Variants in HOOK3 observed in about 807,000 individuals in gnomAD.
HOOK3 encodes protein Hook homolog 3.
Under a neutral mutation model 116.3 loss-of-function variants are expected in HOOK3, and 24 were observed. That is an observed-to-expected ratio of 0.21 (90% CI 0.15 to 0.29). HOOK3 has a LOEUF of 0.29. HOOK3 is among the 10% of genes least tolerant of loss of function. HOOK3 has a pLI of 1.00. For synonymous variants in HOOK3, 275 were observed against 283.0 expected (o/e 0.97, Z 0.28); for missense variants, 632 against 830.2 (o/e 0.76, Z 2.93).
intron 2 of HOOK3, among the ~76,000 whole-genome samples, chr8:42,922,440 A>G (rs1807675182): frequency 6.6e-6 from 1 of 152,054 alleles, no homozygotes; most frequent in South Asian, 2.1e-4. Flanking sequence ...AGCACTAGCT[A>G]CTCTGGAGGC....
At chr8:42,955,153 C>T (rs996438494) in intron 6 of HOOK3, among the ~76,000 whole-genome samples, 11 of 152,204 alleles carry the variant, frequency 7.2e-5, no homozygotes, top group African/African-American at 2.7e-4. Flanking sequence ...CACAGGTCTA[C>T]TTTTATGCAG....
In HOOK3 at chr8:42,936,301, G is replaced by C. The variant is rs969573749; in HGVS notation, c.267+6129G>C. 2.0e-5 allele frequency among the ~76,000 whole-genome samples: 3 copies of C among 152,272 alleles called. No homozygotes were observed. In the South Asian group the frequency reaches 6.2e-4, roughly 32 times the overall value. On this transcript the variant is annotated intron_variant, in intron 4 of 21. Coordinates refer to ENST00000307602, the MANE Select transcript of HOOK3 (RefSeq NM_032410.4). ...AAGGAGATTTTGGGCTGAGATGATGGGGTTTTCTAAATATACAATCATGTC... is the reference window on the plus strand; with the variant it reads ...AAGGAGATTTTGGGCTGAGATGATGCGGTTTTCTAAATATACAATCATGTC...
intron 15 of HOOK3, among the ~76,000 whole-genome samples, chr8:42,995,149 T>C (rs1461764494): frequency 6.6e-6 from 1 of 152,232 alleles, no homozygotes; most frequent in Non-Finnish European, 1.5e-5. Flanking sequence ...ATTAAATTTT[T>C]ACTGTGATCC....
At chr8:42,950,512 A>G in intron 6 of HOOK3, 57 bp downstream of exon 6, 1 of 1,137,550 alleles carries the variant, frequency 8.8e-7, no homozygotes, top group Non-Finnish European at 1.3e-6. Flanking sequence ...AAACATGAGT[A>G]TGAATAATAC....
chr8:43,027,680 T>C lies in HOOK3; in HGVS notation c.*9182T>C, dbSNP rs942820200. 4.9e-6 allele frequency: 1 copy of C among 205,730 alleles called. No homozygotes were observed. Among genetic ancestry groups the C allele is most frequent in the Non-Finnish European group, 1.0e-5 (1 of 100,346 alleles). 12.7% of individuals were successfully genotyped at this position (205,730 alleles called of 1,614,324 possible). On this transcript the variant is annotated 3_prime_UTR_variant, in exon 22 of 22. Coordinates refer to ENST00000307602, the MANE Select transcript of HOOK3 (RefSeq NM_032410.4). ...ACTAATTAATTGTTGAATGATTAAGTCTCTAAGTATCTTAACTTCCATTGT... is the reference window on the plus strand; with the variant it reads ...ACTAATTAATTGTTGAATGATTAAGCCTCTAAGTATCTTAACTTCCATTGT...
chr8:42,984,914 A>G (rs781293983), intron 14 of HOOK3, among the ~76,000 whole-genome samples: 2 of 152,228 alleles, frequency 1.3e-5, no homozygotes, highest in African/African-American at 4.8e-5. Flanking sequence ...AAAAAGAACA[A>G]TGATGATAAA....
At position 43,020,522 on chromosome 8, in the gene HOOK3, C is replaced by T. The variant is rs1426598131; in HGVS notation, c.*2024C>T. The T allele has an allele frequency of 5.6e-6, 1 of 179,294 alleles. No homozygotes were observed. The highest frequency in any genetic ancestry group is 1.2e-5 in the Non-Finnish European group (1 of 83,884). 11.1% of individuals were successfully genotyped at this position (179,294 alleles called of 1,614,324 possible). On this transcript the variant is annotated 3_prime_UTR_variant, in exon 22 of 22. Transcript: ENST00000307602. ...TTGAGGTCAGGAGTTTGAGACCAGC[C>T]TGGCCAACATGGTGAAACCCCATCT...
At chr8:42,923,657 G>A (rs2130354103) in intron 2 of HOOK3, among the ~76,000 whole-genome samples, 1 of 152,304 alleles carries the variant, frequency 6.6e-6, no homozygotes, top group Middle Eastern at 3.4e-3. Context: ...TCAGGGGCTG[G>A]AGAGAAGAGG....
intron 1 of HOOK3, 39 bp downstream of exon 1, chr8:42,897,227 C>G (rs1807012840): frequency 8.3e-7 from 1 of 1,210,064 alleles, no homozygotes; most frequent in South Asian, 4.2e-5. Flanking sequence ...GACCCCCTCC[C>G]CCCGCCACCT....
In HOOK3 at chr8:43,027,398, G is replaced by C; in HGVS notation, c.*8900G>C. On this transcript the variant is annotated 3_prime_UTR_variant, in exon 22 of 22. Coordinates refer to ENST00000307602, the MANE Select transcript of HOOK3 (RefSeq NM_032410.4). ...CCAAAGAATAGAGAGATTTGCTTATGAGAACATTCTGTCATTTGTTCTGTT... is the reference window on the plus strand; with the variant it reads ...CCAAAGAATAGAGAGATTTGCTTATCAGAACATTCTGTCATTTGTTCTGTT... 2.7e-6 allele frequency: 1 copy of C among 377,048 alleles called. No individual in the cohort carries two copies. The highest frequency in any genetic ancestry group is 4.9e-6 in the Non-Finnish European group (1 of 205,122). 23.4% of individuals were successfully genotyped at this position (377,048 alleles called of 1,614,324 possible). A position where few individuals can be genotyped will look rare whatever the true frequency, so the allele number is the denominator to read the frequency against.
At chr8:42,955,466 GT>G (rs1311270986) in intron 6 of HOOK3, among the ~76,000 whole-genome samples, 2 of 152,116 alleles carry the variant, frequency 1.3e-5, no homozygotes, top group African/African-American at 4.8e-5. Flanking sequence ...AAAAAATGAG[GT>G]AAGAGGAGAG....
intron 13 of HOOK3, among the ~76,000 whole-genome samples, chr8:42,976,101 A>G (rs1808822957): frequency 6.6e-6 from 1 of 151,926 alleles, no homozygotes; most frequent in Non-Finnish European, 1.5e-5. Flanking sequence ...CAAGTGCCAT[A>G]AGAGGTGATT....
chr8:42,948,633 TCTTA>T (rs1808281445), intron 5 of HOOK3, among the ~76,000 whole-genome samples: 1 of 152,194 alleles, frequency 6.6e-6, no homozygotes, highest in African/African-American at 2.4e-5. Context: ...ATGTTCACAG[TCTTA>T]CTTTTAGAGC....
In HOOK3 at chr8:42,984,490, A is replaced by G. The variant is rs545166119; in HGVS notation, c.1391+1794A>G. ...TATGCTACTTTATAATTGAACCAAT[A>G]AGATTTGTTGAATAAATGAACACGT... is the stretch of plus-strand genomic sequence containing the variant. On this transcript the variant is annotated intron_variant, in intron 14 of 21. Coordinates refer to ENST00000307602, the MANE Select transcript of HOOK3 (RefSeq NM_032410.4). Among the ~76,000 whole-genome samples, 71 of 152,354 alleles carry G rather than the reference A, an allele frequency of 4.7e-4. No homozygotes were observed. The South Asian group carries it at 0.013, about 28-fold the overall frequency.
intron 3 of HOOK3, among the ~76,000 whole-genome samples, chr8:42,927,784 T>C (rs553688256): frequency 1.7e-4 from 26 of 152,240 alleles, no homozygotes; most frequent in African/African-American, 5.5e-4. Flanking sequence ...TTTTAAATTT[T>C]TGTAGGGATG....
rs1040234532 is a variant in HOOK3, at chr8:43,025,442, G to A, written c.*6944G>A. The stretch of plus-strand genomic sequence containing the variant: ...AGGCAGAGGGAAGTCCTAATACAAT[G>A]AAAACTTGCATTATCTAAACAGATG... On this transcript the variant is annotated 3_prime_UTR_variant, in exon 22 of 22. Coordinates refer to ENST00000307602, the MANE Select transcript of HOOK3 (RefSeq NM_032410.4). The A allele has an allele frequency of 4.7e-6, 1 of 213,414 alleles. No individual in the cohort carries two copies. The highest frequency in any genetic ancestry group is 9.5e-6 in the Non-Finnish European group (1 of 105,602). 13.2% of individuals were successfully genotyped at this position (213,414 alleles called of 1,614,324 possible).
intron 11 of HOOK3, among the ~76,000 whole-genome samples, chr8:42,969,215 A>T (rs1808685062): frequency 1.3e-5 from 2 of 152,206 alleles, no homozygotes; most frequent in African/African-American, 4.8e-5. Flanking sequence ...TTTCTGTCTA[A>T]GAGTATCTTC....
intron 5 of HOOK3, among the ~76,000 whole-genome samples, chr8:42,948,751 T>G (rs958353421): frequency 6.6e-6 from 1 of 152,232 alleles, no homozygotes; most frequent in Non-Finnish European, 1.5e-5. Flanking sequence ...ATTCCAACAC[T>G]CATAGGGTGA....
chr8:42,939,402 C>CCCCTACCT (rs1808048895), intron 4 of HOOK3, among the ~76,000 whole-genome samples: 1 of 147,954 alleles, frequency 6.8e-6, no homozygotes, highest in Non-Finnish European at 1.5e-5. Flanking sequence ...GGGGCTGACC[C>CCCCTACCT]CCCTACCTCC....
Sources: gnomAD v4.1 joint callset for allele counts (sites outside exome capture counted in the v4.1 genomes callset) on GRCh38, gnomAD v4.1.1 for gene constraint, MANE v1.5 for transcripts, NCBI Gene and HGNC (gene_info 2026-07-23, HGNC 2026-07-21) for gene names.